UVRAG: variants seen among roughly 807,000 people sequenced by gnomAD.
UVRAG encodes the protein UV radiation resistance associated.
In UVRAG, 19 loss-of-function variants were observed where a neutral mutation model predicts 78.0. That is an observed-to-expected ratio of 0.24 (90% CI 0.17 to 0.36). The LOEUF (loss-of-function observed/expected upper bound fraction) is 0.36, where lower values mean the gene tolerates loss of function less well. Ranked by LOEUF, UVRAG falls within the 10% of genes least tolerant of loss-of-function variation. The pLI is 1.00. For synonymous variants in UVRAG, 323 were observed against 324.6 expected, an observed-to-expected ratio of 1.00 and a Z score of 0.05; for missense variants, 740 against 853.8, an observed-to-expected ratio of 0.87 and a Z score of 1.66.
intron 13 of UVRAG, among the ~76,000 whole-genome samples, chr11:76,088,588 G>A (rs914244414): frequency 1.3e-5 from 2 of 149,834 alleles, no homozygotes; most frequent in South Asian, 4.2e-4. Flanking sequence ...CTCAACTCCT[G>A]CAACCACTTA....
intron 12 of UVRAG, among the ~76,000 whole-genome samples, chr11:76,019,208 G>T (rs965689991): frequency 6.6e-6 from 1 of 152,108 alleles, no homozygotes; most frequent in African/African-American, 2.4e-5. Context: ...CAATCTCTTT[G>T]TTAAATTTAT....
At chr11:75,994,840 T>C (rs1436568911) in intron 8 of UVRAG, among the ~76,000 whole-genome samples, 1 of 152,248 alleles carries the variant, frequency 6.6e-6, no homozygotes, top group Non-Finnish European at 1.5e-5. Context: ...AGGTGTTAGC[T>C]AGAGAACTTT....
intron 3 of UVRAG, among the ~76,000 whole-genome samples, chr11:75,863,166 A>T (rs900990602): frequency 6.6e-6 from 1 of 152,250 alleles, no homozygotes; most frequent in African/African-American, 2.4e-5. Context: ...ATTCTAGGCC[A>T]GACAGTTCCT....
At chr11:76,065,176 C>T (rs952225202) in intron 12 of UVRAG, among the ~76,000 whole-genome samples, 1 of 152,194 alleles carries the variant, frequency 6.6e-6, no homozygotes, top group African/African-American at 2.4e-5. Context: ...AGAGAAGTTG[C>T]ATCCAAATAG....
At chr11:76,019,281 G>T (rs2135375088) in intron 12 of UVRAG, among the ~76,000 whole-genome samples, 1 of 152,248 alleles carries the variant, frequency 6.6e-6, no homozygotes, top group Admixed American at 6.5e-5. Flanking sequence ...CCACAAAACG[G>T]CTATTTTGAA....
chr11:76,075,207 C>T (rs1330788174), intron 13 of UVRAG, among the ~76,000 whole-genome samples: 4 of 152,148 alleles, frequency 2.6e-5, no homozygotes, highest in Admixed American at 6.5e-5. Context: ...CCAACTACTG[C>T]ATACAAAATT....
At chr11:76,056,774 G>C (rs999513111) in intron 12 of UVRAG, among the ~76,000 whole-genome samples, 1 of 152,142 alleles carries the variant, frequency 6.6e-6, no homozygotes, top group Non-Finnish European at 1.5e-5. Context: ...ATTATGTCTA[G>C]TTATCTTTTT....
intron 13 of UVRAG, among the ~76,000 whole-genome samples, chr11:76,069,964 A>T (rs1054194126): frequency 3.9e-5 from 6 of 152,236 alleles, no homozygotes; most frequent in Non-Finnish European, 8.8e-5. Flanking sequence ...ACAATGCCAG[A>T]AACACTGTAA....
chr11:76,139,060 C>T (rs949817780), intron 14 of UVRAG, among the ~76,000 whole-genome samples: 2 of 152,148 alleles, frequency 1.3e-5, no homozygotes, highest in African/African-American at 4.8e-5. Flanking sequence ...GTCTACTTGC[C>T]TAGTTCTATA....
At chr11:75,918,616 A>G (rs747593783) in intron 6 of UVRAG, among the ~76,000 whole-genome samples, 1 of 151,910 alleles carries the variant, frequency 6.6e-6, no homozygotes, top group Non-Finnish European at 1.5e-5. Context: ...TCATTGTCTG[A>G]TTTTCCCTCC....
chr11:76,003,143 T>G (rs1949850774), intron 8 of UVRAG, among the ~76,000 whole-genome samples: 3 of 151,956 alleles, frequency 2.0e-5, no homozygotes, highest in African/African-American at 2.4e-5. Context: ...GTAATTCACA[T>G]TCATGGAGTT....
chr11:75,974,452 C>T (rs370528630), intron 7 of UVRAG, among the ~76,000 whole-genome samples: 6 of 150,112 alleles, frequency 4.0e-5, no homozygotes, highest in African/African-American at 1.5e-4. Flanking sequence ...CTGCAAGCTC[C>T]GCTTCCCGGG....
intron 1 of UVRAG, among the ~76,000 whole-genome samples, chr11:75,815,793 C>T (rs927938668): frequency 2.6e-5 from 4 of 152,162 alleles, no homozygotes; most frequent in Non-Finnish European, 5.9e-5. Context: ...GTCCCTGGGG[C>T]CCCGGCCCGA....
chr11:75,882,713 C>T (rs1946979339), intron 4 of UVRAG, among the ~76,000 whole-genome samples: 1 of 152,092 alleles, frequency 6.6e-6, no homozygotes, highest in Non-Finnish European at 1.5e-5. Flanking sequence ...CCACGCAGCT[C>T]CTGCTAACCA....
At chr11:76,030,600 A>G (rs1461087251) in intron 12 of UVRAG, among the ~76,000 whole-genome samples, 2 of 152,174 alleles carry the variant, frequency 1.3e-5, no homozygotes, top group African/African-American at 4.8e-5. Flanking sequence ...TTCGTAACCT[A>G]TGCTTCAGTC....
intron 12 of UVRAG, among the ~76,000 whole-genome samples, chr11:76,033,446 G>GT (rs1319601787): frequency 6.6e-6 from 1 of 151,928 alleles, no homozygotes; most frequent in Admixed American, 6.6e-5. Flanking sequence ...AGACTCATAA[G>GT]TTTTTAGAAT....
chr11:76,065,908 T>C, intron 13 of UVRAG, 120 bp downstream of exon 13: 1 of 816,516 alleles, frequency 1.2e-6, no homozygotes, highest in Non-Finnish European at 1.9e-6. Context: ...ACCAGTTACA[T>C]TAGTAATACA....
At chr11:76,112,441 A>G (rs974792534) in intron 13 of UVRAG, among the ~76,000 whole-genome samples, 3 of 152,226 alleles carry the variant, frequency 2.0e-5, no homozygotes, top group African/African-American at 7.2e-5. Flanking sequence ...GAAAGATATT[A>G]TAGGATACAC....
intron 7 of UVRAG, among the ~76,000 whole-genome samples, chr11:75,972,549 C>G (rs1438907108): frequency 6.6e-6 from 1 of 152,022 alleles, no homozygotes; most frequent in Non-Finnish European, 1.5e-5. Flanking sequence ...GTTTCTTTGT[C>G]AAATATTCTT....
Sources: allele counts gnomAD v4.1 joint callset (sites outside exome capture counted in the v4.1 genomes callset), GRCh38; gene constraint gnomAD v4.1.1; transcripts MANE v1.5; gene names NCBI Gene and HGNC (gene_info 2026-07-23, HGNC 2026-07-21).